Variants in ADAMTS3 observed in about 807,000 individuals in gnomAD.
ADAMTS3 encodes A disintegrin and metalloproteinase with thrombospondin motifs 3.
Under a neutral mutation model 129.0 loss-of-function variants are expected in ADAMTS3, and 73 were observed. That is an observed-to-expected ratio of 0.57 (90% CI 0.47 to 0.69). The LOEUF (loss-of-function observed/expected upper bound fraction) is 0.69. Ranked by LOEUF, ADAMTS3 falls within the 30% of genes least tolerant of loss-of-function variation. The pLI, the probability that ADAMTS3 is intolerant of heterozygous loss-of-function variation, is 0.00. For synonymous variants in ADAMTS3, 477 were observed against 510.8 expected, an observed-to-expected ratio of 0.93 and a Z score of 0.89; for missense variants, 1,457 against 1,514.5, an observed-to-expected ratio of 0.96 and a Z score of 0.63.
intron 16 of ADAMTS3, among the ~76,000 whole-genome samples, chr4:72,305,727 G>A (rs537668051): frequency 6.6e-5 from 10 of 151,608 alleles, no homozygotes; most frequent in East Asian, 1.9e-4. Flanking sequence ...TTACATATAC[G>A]TATGCACATG....
intron 12 of ADAMTS3, 150 bp from the exon 13 acceptor site, chr4:72,312,616 C>T (rs1719273231): frequency 3.1e-6 from 2 of 644,402 alleles, no homozygotes; most frequent in Non-Finnish European, 2.6e-6. Flanking sequence ...AGTCCCTTTC[C>T]AAAGCACCCT....
intron 4 of ADAMTS3, among the ~76,000 whole-genome samples, chr4:72,378,616 A>T (rs987839660): frequency 6.6e-6 from 1 of 152,070 alleles, no homozygotes; most frequent in Non-Finnish European, 1.5e-5. Context: ...ACTGTATATG[A>T]TGTTTCCAAA....
chr4:72,369,999 C>T lies in ADAMTS3; in HGVS notation c.662-30306G>A, dbSNP rs561406488. 5.9e-5 allele frequency among the ~76,000 whole-genome samples: 9 copies of T among 152,224 alleles called. No homozygotes were observed. The East Asian group carries it at 1.4e-3, about 23-fold the overall frequency. On this transcript the variant is annotated intron_variant, in intron 4 of 21. Coordinates refer to ENST00000286657, the MANE Select transcript of ADAMTS3 (RefSeq NM_014243.3). ...AGGTCCCAGAATGGGTTGTGTGAGCCCTTGAGGCCTTCATCCAGCGTTGTT... is the reference window on the plus strand; with the variant it reads ...AGGTCCCAGAATGGGTTGTGTGAGCTCTTGAGGCCTTCATCCAGCGTTGTT...
In ADAMTS3 at chr4:72,492,504, T is replaced by A. The variant is rs143872021; in HGVS notation, c.504+55974A>T. ...TTCAGTGTAGAGCTTAGTTTCCATA[T>A]ATTTGTGAATTTTTCACTTTCTTGC... On this transcript the variant is annotated intron_variant, in intron 3 of 21. Transcript: ENST00000286657. Among the ~76,000 whole-genome samples, 459 of 151,772 alleles carry A rather than the reference T, an allele frequency of 3.0e-3. 5 individuals carry two copies. Among genetic ancestry groups the A allele is most frequent in the African/African-American group, 0.011 (444 of 41,472 alleles).
chr4:72,530,813 T>A (rs1192824515), intron 3 of ADAMTS3, among the ~76,000 whole-genome samples: 5 of 119,350 alleles, frequency 4.2e-5, no homozygotes, highest in Admixed American at 2.4e-4. Flanking sequence ...TATTATATAT[T>A]ATATATTATA....
At chr4:72,447,224 T>C (rs983561757) in intron 3 of ADAMTS3, among the ~76,000 whole-genome samples, 2 of 151,710 alleles carry the variant, frequency 1.3e-5, no homozygotes, top group Non-Finnish European at 2.9e-5. Flanking sequence ...AAATCCCTTA[T>C]GTCTTTCTTT....
At chr4:72,498,259 T>C (rs983734068) in intron 3 of ADAMTS3, among the ~76,000 whole-genome samples, 20 of 152,056 alleles carry the variant, frequency 1.3e-4, no homozygotes, top group African/African-American at 4.6e-4. Context: ...TATAACTTTT[T>C]AAGCCATCTA....
At chr4:72,490,278 G>C (rs1357790549) in intron 3 of ADAMTS3, among the ~76,000 whole-genome samples, 1 of 151,880 alleles carries the variant, frequency 6.6e-6, no homozygotes, top group Non-Finnish European at 1.5e-5. Flanking sequence ...TATATTGTCT[G>C]CAAATATTTT....
intron 4 of ADAMTS3, among the ~76,000 whole-genome samples, chr4:72,347,064 A>C (rs79953119): frequency 0.049 from 7,399 of 152,170 alleles, 587 homozygotes; most frequent in African/African-American, 0.17. Context: ...TGGAAACTGG[A>C]GGAATATAAC....
At chr4:72,319,617 C>T (rs1326326910) in intron 8 of ADAMTS3, 142 bp from the exon 9 acceptor site, 1 of 1,041,854 alleles carries the variant, frequency 9.6e-7, no homozygotes, top group Non-Finnish European at 1.4e-6. Context: ...CGGAAATTGA[C>T]AGCAATCTGA....
intron 3 of ADAMTS3, among the ~76,000 whole-genome samples, chr4:72,522,082 G>A (rs1164733742): frequency 2.0e-5 from 3 of 152,128 alleles, no homozygotes; most frequent in Admixed American, 6.5e-5. Flanking sequence ...TGAGTTGGCA[G>A]GTTAAATTGT....
At chr4:72,546,538 C>CAGT (rs1403903130) in intron 3 of ADAMTS3, among the ~76,000 whole-genome samples, 13 of 152,058 alleles carry the variant, frequency 8.5e-5, no homozygotes, top group Non-Finnish European at 1.9e-4. Flanking sequence ...CTAGGTAACC[C>CAGT]AGTAGAGCCA....
rs550194860 is a variant in ADAMTS3, at chr4:72,440,619, G to C, written c.505-25648C>G. On this transcript the variant is annotated intron_variant, in intron 3 of 21. Coordinates refer to ENST00000286657, the MANE Select transcript of ADAMTS3 (RefSeq NM_014243.3). ...AAGCAGATATGCAATCACACTTTTC[G>C]TAACAGGCACAGCAACCTCCTTGAG... Among the ~76,000 whole-genome samples the C allele has an allele frequency of 2.6e-5, 4 of 151,714 alleles. No homozygotes were observed. In the South Asian group the frequency reaches 8.3e-4, roughly 31 times the overall value.
chr4:72,380,512 A>C (rs1025164257), intron 4 of ADAMTS3, among the ~76,000 whole-genome samples: 5 of 152,188 alleles, frequency 3.3e-5, no homozygotes, highest in African/African-American at 7.2e-5. Flanking sequence ...CTGTTTGCTC[A>C]CTGGATCAAA....
intron 2 of ADAMTS3, among the ~76,000 whole-genome samples, chr4:72,566,083 C>T (rs1451227581): frequency 3.9e-5 from 6 of 152,108 alleles, no homozygotes; most frequent in Admixed American, 6.6e-5. Context: ...TTATCAACTA[C>T]GAATGACAAG....
At chr4:72,399,030 T>C (rs990782397) in intron 4 of ADAMTS3, among the ~76,000 whole-genome samples, 11 of 152,232 alleles carry the variant, frequency 7.2e-5, no homozygotes, top group Admixed American at 2.0e-4. Context: ...TTGTTCTACT[T>C]CATTTTTCAC....
chr4:72,522,563 G>C (rs1330470981), intron 3 of ADAMTS3, among the ~76,000 whole-genome samples: 1 of 152,078 alleles, frequency 6.6e-6, no homozygotes, highest in Non-Finnish European at 1.5e-5. Flanking sequence ...ATCAACTACT[G>C]TGGTGAAAAA....
intron 5 of ADAMTS3, among the ~76,000 whole-genome samples, chr4:72,328,164 T>C (rs1462114237): frequency 1.3e-5 from 2 of 152,204 alleles, no homozygotes; most frequent in Non-Finnish European, 2.9e-5. Context: ...TGTGAGGTGT[T>C]CAGGGTTGAG....
At chr4:72,431,490 T>C (rs1722697121) in intron 3 of ADAMTS3, among the ~76,000 whole-genome samples, 1 of 152,038 alleles carries the variant, frequency 6.6e-6, no homozygotes, top group Non-Finnish European at 1.5e-5. Context: ...TGCCCTCATG[T>C]GACAGGGTGC....
Sources: allele counts gnomAD v4.1 joint callset (sites outside exome capture counted in the v4.1 genomes callset), GRCh38; gene constraint gnomAD v4.1.1; transcripts MANE v1.5; gene names NCBI Gene and HGNC (gene_info 2026-07-23, HGNC 2026-07-21).